The following GRID2 variants were observed in gnomAD, a reference collection of about 807,000 sequenced individuals.
GRID2 encodes the protein glutamate receptor ionotropic, delta-2.
GRID2 carries 33 observed loss-of-function variants against 114.8 expected under a neutral mutation model. The ratio of observed to expected loss-of-function variants is 0.29; its 90% CI spans 0.22 to 0.38. GRID2 has a LOEUF of 0.38. GRID2 is among the 10% of genes least tolerant of loss of function. GRID2 has a pLI of 1.00. For missense variants in GRID2, 1,184 were observed against 1,257.7 expected, an observed-to-expected ratio of 0.94 and a Z score of 0.89; for synonymous variants, 505 against 449.9, an observed-to-expected ratio of 1.12 and a Z score of -1.55.
At chr4:93,290,895 T>TTTTA in intron 8 of GRID2, among the ~76,000 whole-genome samples, 1 of 143,610 alleles carries the variant, frequency 7.0e-6, no homozygotes, top group African/African-American at 2.7e-5. Context: ...TTTTTTTTTT[T>TTTTA]GAGATGGAGT....
chr4:93,106,392 G>T (rs1732234387), intron 3 of GRID2, among the ~76,000 whole-genome samples: 1 of 152,082 alleles, frequency 6.6e-6, no homozygotes, highest in Non-Finnish European at 1.5e-5. Flanking sequence ...TGTTGCCCAG[G>T]CTGGAATGCA....
At chr4:92,794,215 A>C (rs1383401109) in intron 2 of GRID2, among the ~76,000 whole-genome samples, 1 of 151,810 alleles carries the variant, frequency 6.6e-6, no homozygotes, top group Non-Finnish European at 1.5e-5. Flanking sequence ...TCCTGGGCTC[A>C]AGTGATCCTC....
At chr4:92,833,043 C>A (rs1026767514) in intron 2 of GRID2, among the ~76,000 whole-genome samples, 5 of 152,136 alleles carry the variant, frequency 3.3e-5, no homozygotes, top group African/African-American at 1.2e-4. Context: ...GCATGTCCAA[C>A]AGTTGTTTCT....
chr4:93,225,704 A>G (rs1377445017), intron 7 of GRID2, among the ~76,000 whole-genome samples: 2 of 152,254 alleles, frequency 1.3e-5, no homozygotes, highest in Admixed American at 1.3e-4. Context: ...TACAAAAACT[A>G]GAAGTAGAGG....
At chr4:93,498,491 A>G (rs1261422364) in intron 12 of GRID2, among the ~76,000 whole-genome samples, 1 of 151,892 alleles carries the variant, frequency 6.6e-6, no homozygotes, top group East Asian at 1.9e-4. Flanking sequence ...TGAATTTTTA[A>G]TTTTAATTTT....
intron 13 of GRID2, among the ~76,000 whole-genome samples, chr4:93,589,965 A>T (rs1471246735): frequency 1.3e-5 from 2 of 150,810 alleles, no homozygotes; most frequent in Non-Finnish European, 3.0e-5. Flanking sequence ...CCTTTGTCAG[A>T]TGAGTAGGTT....
intron 8 of GRID2, among the ~76,000 whole-genome samples, chr4:93,334,598 G>A (rs920121939): frequency 6.6e-6 from 1 of 152,154 alleles, no homozygotes; most frequent in Non-Finnish European, 1.5e-5. Context: ...AATAGCATTG[G>A]GTTTAAGAAG....
chr4:93,645,512 G>A (rs966471540), intron 14 of GRID2, among the ~76,000 whole-genome samples: 1 of 152,064 alleles, frequency 6.6e-6, no homozygotes, highest in African/African-American at 2.4e-5. Flanking sequence ...GAGATAAAAA[G>A]AAAAAGGTTG....
chr4:92,683,128 C>T (rs779026191), intron 2 of GRID2, among the ~76,000 whole-genome samples: 6 of 151,920 alleles, frequency 3.9e-5, no homozygotes, highest in Non-Finnish European at 5.9e-5. Flanking sequence ...TGAAACCTTG[C>T]CTCTACTAAA....
chr4:93,088,437 C>G (rs896363009), intron 3 of GRID2, among the ~76,000 whole-genome samples: 1 of 152,040 alleles, frequency 6.6e-6, no homozygotes, highest in East Asian at 1.9e-4. Flanking sequence ...TTACAGTTAA[C>G]AACAGATGTG....
At chr4:93,057,722 C>T (rs772324820) in intron 2 of GRID2, among the ~76,000 whole-genome samples, 63 of 151,662 alleles carry the variant, frequency 4.2e-4, no homozygotes, top group Admixed American at 2.3e-3. Flanking sequence ...AAGTGGGAAA[C>T]GGGCAAGGGA....
chr4:92,912,013 T>C (rs905076620), intron 2 of GRID2, among the ~76,000 whole-genome samples: 8 of 151,906 alleles, frequency 5.3e-5, no homozygotes, highest in African/African-American at 1.9e-4. Context: ...TATTTTATAT[T>C]TGGGGAATGA....
At chr4:93,026,961 T>G (rs1469767902) in intron 2 of GRID2, among the ~76,000 whole-genome samples, 1 of 152,002 alleles carries the variant, frequency 6.6e-6, no homozygotes, top group East Asian at 1.9e-4. Flanking sequence ...GAGAAGAATG[T>G]TTGTACAGAT....
chr4:93,067,197 C>T (rs1294098434), intron 2 of GRID2, among the ~76,000 whole-genome samples: 1 of 152,002 alleles, frequency 6.6e-6, no homozygotes, highest in African/African-American at 2.4e-5. Context: ...AGTGAGGTTG[C>T]CCAGAAACCT....
intron 1 of GRID2, among the ~76,000 whole-genome samples, chr4:92,367,374 A>G (rs1728919832): frequency 1.3e-5 from 2 of 152,104 alleles, no homozygotes; most frequent in Non-Finnish European, 2.9e-5. Flanking sequence ...CAATGGATGG[A>G]TGTTGAGCAT....
chr4:92,641,923 T>C (rs929335647), intron 2 of GRID2, among the ~76,000 whole-genome samples: 1 of 151,088 alleles, frequency 6.6e-6, no homozygotes, highest in Non-Finnish European at 1.5e-5. Flanking sequence ...TTTGGAATGA[T>C]GAACCCTAGC....
chr4:93,057,001 A>C (rs559640041), intron 2 of GRID2, among the ~76,000 whole-genome samples: 30 of 152,092 alleles, frequency 2.0e-4, no homozygotes, highest in African/African-American at 7.2e-4. Context: ...CGAAGTAAAA[A>C]TGTTTTTCAA....
At chr4:92,410,170 T>C (rs1015635587) in intron 1 of GRID2, among the ~76,000 whole-genome samples, 1 of 152,200 alleles carries the variant, frequency 6.6e-6, no homozygotes, top group African/African-American at 2.4e-5. Flanking sequence ...GGGAAGCATC[T>C]TCTATCTGTC....
At chr4:93,417,199 A>G (rs2149360532) in intron 9 of GRID2, among the ~76,000 whole-genome samples, 1 of 152,196 alleles carries the variant, frequency 6.6e-6, no homozygotes, top group South Asian at 2.1e-4. Flanking sequence ...AATAGGCACA[A>G]GCCATAATCT....
Sources: gnomAD v4.1 joint callset for allele counts (sites outside exome capture counted in the v4.1 genomes callset) on GRCh38, gnomAD v4.1.1 for gene constraint, MANE v1.5 for transcripts, NCBI Gene and HGNC (gene_info 2026-07-23, HGNC 2026-07-21) for gene names.